Variants in PES1 observed in about 807,000 individuals in gnomAD.
PES1 encodes pescadillo homolog.
A neutral mutation model predicts 77.1 loss-of-function variants in PES1; 31 were observed. The ratio of observed to expected loss-of-function variants is 0.40; its 90% CI spans 0.30 to 0.54. The LOEUF is 0.54. Among genes scored for constraint, PES1 ranks in the 20% least tolerant of loss-of-function variants. The probability of loss-of-function intolerance (pLI) is 0.45; values close to 1 mark genes in which losing one functional copy is unlikely to be tolerated. For synonymous variants in PES1, 282 were observed against 303.0 expected (o/e 0.93, Z 0.72); for missense variants, 658 against 771.7 (o/e 0.85, Z 1.75).
chr22:30,593,678 C>G (rs931213424), upstream of PES1, among the ~76,000 whole-genome samples: 1 of 152,046 alleles, frequency 6.6e-6, no homozygotes, highest in Non-Finnish European at 1.5e-5. Flanking sequence ...GAAAGTTGAG[C>G]CTTGTTTTGC....
chr22:30,590,305 T>C (rs979657224), intron 1 of PES1, among the ~76,000 whole-genome samples: 1 of 152,226 alleles, frequency 6.6e-6, no homozygotes, highest in East Asian at 1.9e-4. Flanking sequence ...CCCTGCAAGC[T>C]AACAAGCATG....
In PES1 at chr22:30,580,296, T is replaced by C. The variant is rs2086963056; in HGVS notation, c.1044-118A>G. 2.3e-6 allele frequency: 3 copies of C among 1,278,450 alleles called. No homozygotes were observed. The African/African-American group carries it at 4.5e-5, about 19-fold the overall frequency. 79.2% of individuals were successfully genotyped at this position (1,278,450 alleles called of 1,614,324 possible). A position where few individuals can be genotyped will look rare whatever the true frequency, so the allele number is the denominator to read the frequency against. ...TAAACTCACCCTCTTAGGACACAAT[T>C]ACCCCCTCCTCACCCCAGGATCCTT... On this transcript the variant is annotated intron_variant, in intron 10 of 14. Coordinates refer to ENST00000354694, the MANE Select transcript of PES1 (RefSeq NM_014303.4).
intron 1 of PES1, among the ~76,000 whole-genome samples, chr22:30,606,324 GGGTT>G (rs1341736956): frequency 6.6e-6 from 1 of 152,066 alleles, no homozygotes; most frequent in African/African-American, 2.4e-5. Flanking sequence ...TCCACCTCTT[GGGTT>G]CAAGCGATCC....
chr22:30,577,116 G>A lies in PES1; in HGVS notation c.1697C>T (p.Ala566Val), dbSNP rs754960176. The stretch of plus-strand genomic sequence containing the variant: ...CTCATCGTGGGCTTTCCGCTTCTCC[G>A]CCAGCTTGTTGGCCTGTGAGGGGGA... ...RRKIREANKL[A>V]EKRKAHDEAV... The change falls in exon 15 of 15, where the codon GCG becomes GTG. Residue 566 changes from alanine (A) to valine (V), a missense_variant. Coordinates refer to ENST00000354694, the MANE Select transcript of PES1 (RefSeq NM_014303.4). 31 of 1,613,984 alleles carry A rather than the reference G, an allele frequency of 1.9e-5. No homozygotes were observed. Among genetic ancestry groups the A allele is most frequent in the Middle Eastern group, 1.6e-4 (1 of 6,084 alleles).
rs1333453410 is a variant in PES1, at chr22:30,584,466, G to A, written c.541-12C>T. 6.2e-7 allele frequency: 1 copy of A among 1,611,056 alleles called. No individual in the cohort carries two copies. ...ATGGACAGGAAGACCTAGGGGAGAG[G>A]AGGAGACATCTGGGTGAAGACCATG... On this transcript the variant is annotated splice_polypyrimidine_tract_variant and intron_variant, in intron 5 of 14. Coordinates refer to ENST00000354694, the MANE Select transcript of PES1 (RefSeq NM_014303.4).
At chr22:30,605,844 A>G (rs543287699) in intron 1 of PES1, among the ~76,000 whole-genome samples, 1 of 152,378 alleles carries the variant, frequency 6.6e-6, no homozygotes, top group East Asian at 1.9e-4. Flanking sequence ...AATCAGGCTC[A>G]AAAAGATTGT....
At position 30,589,069 on chromosome 22, in the gene PES1, G is replaced by A; in HGVS notation, c.104+122C>T. 4 of 677,662 alleles carry A rather than the reference G, an allele frequency of 5.9e-6. No individual in the cohort carries two copies. The South Asian group carries it at 7.3e-5, about 12-fold the overall frequency. The allele number at this position is 677,662 out of a possible 1,614,324, so 42.0% of individuals were successfully genotyped here. A position where few individuals can be genotyped will look rare whatever the true frequency, so the allele number is the denominator to read the frequency against. ...CACAACTCACTAAAGCAAGGGCGGT[G>A]AGAAAGAGAAGGAATACCAGAACCC... On this transcript the variant is annotated intron_variant, in intron 2 of 14. Transcript: ENST00000354694.
intron 2 of PES1, 136 bp downstream of exon 2, chr22:30,589,055 A>G (rs1046738771): frequency 3.4e-5 from 22 of 639,654 alleles, no homozygotes; most frequent in Middle Eastern, 2.5e-4. Flanking sequence ...ACAACTCACT[A>G]AAGCAAGGGC....
At chr22:30,585,764 CAA>C (rs1569025183) in intron 4 of PES1, among the ~76,000 whole-genome samples, 2 of 151,594 alleles carry the variant, frequency 1.3e-5, no homozygotes, top group South Asian at 2.1e-4. Context: ...TCTGCTATTT[CAA>C]AAAAGACTCC....
At chr22:30,579,050 G>A (rs928431936) in intron 13 of PES1, 52 bp from the exon 14 acceptor site, 10 of 1,603,646 alleles carry the variant, frequency 6.2e-6, no homozygotes, top group Middle Eastern at 1.7e-4. Flanking sequence ...GACCTCCACA[G>A]TCCTCTGGCT....
chr22:30,580,028 C>T (rs942252700), intron 11 of PES1, 25 bp downstream of exon 11: 12 of 1,612,108 alleles, frequency 7.4e-6, no homozygotes, highest in Admixed American at 3.3e-5. Context: ...CCCAGAAATC[C>T]GGACGAGGAC....
At chr22:30,606,905 C>A (rs758025847) in exon 1 of PES1, 9 of 1,063,244 alleles carry the variant, frequency 8.5e-6, no homozygotes, top group Non-Finnish European at 1.0e-5. Flanking sequence ...GGTAGGCACC[C>A]GGTCCTGCCA....
intron 2 of PES1, among the ~76,000 whole-genome samples, chr22:30,602,147 T>C (rs1257758745): frequency 6.6e-6 from 1 of 152,138 alleles, no homozygotes; most frequent in Non-Finnish European, 1.5e-5. Context: ...AATTGTAATT[T>C]CCACTTGAGG....
upstream of PES1, among the ~76,000 whole-genome samples, chr22:30,594,499 A>G (rs2087227503): frequency 6.6e-6 from 1 of 151,970 alleles, no homozygotes; most frequent in African/African-American, 2.4e-5. Flanking sequence ...CAGCCTGTGC[A>G]ACAGAGAGAC....
At position 30,584,122 on chromosome 22, in the gene PES1, C is replaced by G. The variant is rs1380024917; in HGVS notation, c.630+243G>C. The G allele has an allele frequency of 5.5e-6, 3 of 549,080 alleles. No individual in the cohort carries two copies. In the African/African-American group the frequency reaches 5.7e-5, roughly 10 times the overall value. 34.0% of individuals were successfully genotyped at this position (549,080 alleles called of 1,614,324 possible). On this transcript the variant is annotated intron_variant, in intron 6 of 14. Coordinates refer to ENST00000354694, the MANE Select transcript of PES1 (RefSeq NM_014303.4). The stretch of plus-strand genomic sequence containing the variant: ...AGGGTGTAGACACTGTTAACTGAGG[C>G]ACAGAGAGGTGAAAGGAACACGTCC...
At chr22:30,601,042 C>T (rs1602031116) in intron 2 of PES1, among the ~76,000 whole-genome samples, 2 of 152,316 alleles carry the variant, frequency 1.3e-5, no homozygotes, top group South Asian at 2.1e-4. Flanking sequence ...CAGCTCAGTA[C>T]TCCAGCTCAA....
intron 14 of PES1, 57 bp downstream of exon 14, chr22:30,578,780 C>G: frequency 6.3e-7 from 1 of 1,576,996 alleles, no homozygotes; most frequent in East Asian, 2.2e-5. Context: ...ATAAGTTCAC[C>G]TGTGCAGTTG....
chr22:30,591,982 G>T (rs1280920470), upstream of PES1: 4 of 1,377,036 alleles, frequency 2.9e-6, no homozygotes, highest in Non-Finnish European at 2.8e-6. Context: ...ACAAGTCCAG[G>T]GAAAGATGGG....
chr22:30,593,507 A>G (rs1296492952), upstream of PES1, among the ~76,000 whole-genome samples: 1 of 151,656 alleles, frequency 6.6e-6, no homozygotes, highest in African/African-American at 2.4e-5. Flanking sequence ...AAAAAAAAGA[A>G]GAAGAAGGAA....
Sources: gnomAD v4.1 joint callset for allele counts (sites outside exome capture counted in the v4.1 genomes callset) on GRCh38, gnomAD v4.1.1 for gene constraint, MANE v1.5 for transcripts, NCBI Gene and HGNC (gene_info 2026-07-23, HGNC 2026-07-21) for gene names.